Variants in OR1J2 observed in about 807,000 individuals in gnomAD.
OR1J2 encodes olfactory receptor family 1 subfamily J member 2.
For synonymous variants in OR1J2, 142 were observed against 99.7 expected (o/e 1.42, Z -2.52); for missense variants, 304 against 246.1 (o/e 1.24, Z -1.57).
chr9:122,569,171 C>G, the OR1J2 span, among the ~76,000 whole-genome samples: 1 of 152,112 alleles, frequency 6.6e-6, no homozygotes, highest in Non-Finnish European at 1.5e-5. Context: ...AAGGTTCATC[C>G]TCCCTAGCTC....
At chr9:122,490,932 G>A in the OR1J2 span, among the ~76,000 whole-genome samples, 3 of 152,186 alleles carry the variant, frequency 2.0e-5, no homozygotes, top group Non-Finnish European at 4.4e-5. Context: ...GGACATGTTG[G>A]CAGAGCAGGC....
the OR1J2 span, among the ~76,000 whole-genome samples, chr9:122,571,136 C>T: frequency 1.3e-5 from 2 of 152,172 alleles, no homozygotes; most frequent in African/African-American, 4.8e-5. Flanking sequence ...ACTTTCTTGT[C>T]CCATGTTCAG....
At chr9:122,554,074 T>A in the OR1J2 span, 26 of 1,613,312 alleles carry the variant, frequency 1.6e-5, no homozygotes, top group Middle Eastern at 1.2e-3. Context: ...ATTCCCACGC[T>A]AAACCCATTC....
chr9:122,517,032 T>A, the OR1J2 span, among the ~76,000 whole-genome samples: 1 of 152,190 alleles, frequency 6.6e-6, no homozygotes, highest in Admixed American at 6.5e-5. Flanking sequence ...GTTCAGATTG[T>A]ATGCAGTCAT....
the OR1J2 span, among the ~76,000 whole-genome samples, chr9:122,563,181 G>GTTTT: frequency 1.1e-5 from 1 of 90,206 alleles, no homozygotes; most frequent in African/African-American, 4.5e-5. Flanking sequence ...ACTAGCATTT[G>GTTTT]TTATTTTTTT....
At chr9:122,527,186 G>T in the OR1J2 span, 1 of 1,614,000 alleles carries the variant, frequency 6.2e-7, no homozygotes, top group East Asian at 2.2e-5. Context: ...TCCCAGTCAA[G>T]GTGACAAGAT....
chr9:122,484,278 C>G, the OR1J2 span, among the ~76,000 whole-genome samples: 3 of 152,228 alleles, frequency 2.0e-5, no homozygotes, highest in Non-Finnish European at 4.4e-5. Context: ...TCTCCTGCCT[C>G]AGCCTCCCAA....
chr9:122,475,826 G>A, the OR1J2 span: 7 of 152,216 alleles, frequency 4.6e-5, no homozygotes, highest in African/African-American at 1.7e-4. Context: ...GTAAAGAAAC[G>A]CCTTCTTTGG....
At chr9:122,476,941 C>T in the OR1J2 span, 1 of 1,069,040 alleles carries the variant, frequency 9.4e-7, no homozygotes, top group Non-Finnish European at 1.4e-6. Context: ...CTCCTGATCT[C>T]AGGTGATCCG....
upstream of OR1J2, among the ~76,000 whole-genome samples, chr9:122,509,591 C>T (rs1828593418): frequency 6.6e-6 from 1 of 152,092 alleles, no homozygotes; most frequent in Non-Finnish European, 1.5e-5. Flanking sequence ...TCCACAACCA[C>T]CAAGGGGAAG....
chr9:122,549,327 G>A, the OR1J2 span, among the ~76,000 whole-genome samples: 1 of 152,138 alleles, frequency 6.6e-6, no homozygotes, highest in Non-Finnish European at 1.5e-5. Context: ...AGAAGCAGAT[G>A]CTGGCACTAT....
the OR1J2 span, among the ~76,000 whole-genome samples, chr9:122,549,384 C>T: frequency 3.3e-5 from 5 of 152,104 alleles, no homozygotes; most frequent in African/African-American, 1.2e-4. Flanking sequence ...AACCTCTTTT[C>T]CTTATAAATT....
At chr9:122,541,919 A>G in the OR1J2 span, among the ~76,000 whole-genome samples, 15 of 152,350 alleles carry the variant, frequency 9.8e-5, no homozygotes, top group Admixed American at 5.2e-4. Context: ...GTATACACCA[A>G]TGTAAACACC....
At chr9:122,448,213 CAAAT>C in the OR1J2 span, among the ~76,000 whole-genome samples, 1 of 152,122 alleles carries the variant, frequency 6.6e-6, no homozygotes, top group African/African-American at 2.4e-5. Flanking sequence ...ATCTGTGTCA[CAAAT>C]AAATTCAAGG....
the OR1J2 span, among the ~76,000 whole-genome samples, chr9:122,489,297 T>A: frequency 2.0e-5 from 3 of 146,634 alleles, no homozygotes; most frequent in Admixed American, 2.0e-4. Context: ...ATATATATAT[T>A]TACACTCGCC....
the OR1J2 span, chr9:122,567,191 A>T: frequency 5.9e-6 from 1 of 170,402 alleles, no homozygotes; most frequent in Non-Finnish European, 1.2e-5. Context: ...CACATTTTTC[A>T]GCAATATATT....
the OR1J2 span, among the ~76,000 whole-genome samples, chr9:122,547,828 T>A: frequency 6.6e-6 from 1 of 152,208 alleles, no homozygotes; most frequent in Non-Finnish European, 1.5e-5. Flanking sequence ...AATTGCTGGA[T>A]CAAATGATAG....
the OR1J2 span, among the ~76,000 whole-genome samples, chr9:122,565,122 C>T: frequency 6.6e-6 from 1 of 152,164 alleles, no homozygotes; most frequent in African/African-American, 2.4e-5. Flanking sequence ...TGTCTGGCCC[C>T]TCTTACACCC....
chr9:122,560,635 A>G, the OR1J2 span, among the ~76,000 whole-genome samples: 1 of 152,102 alleles, frequency 6.6e-6, no homozygotes, highest in Non-Finnish European at 1.5e-5. Context: ...TCTTCTCTTT[A>G]AGAATGTTGA....
Sources: allele counts gnomAD v4.1 joint callset (sites outside exome capture counted in the v4.1 genomes callset), GRCh38; gene constraint gnomAD v4.1.1; transcripts MANE v1.5; gene names NCBI Gene and HGNC (gene_info 2026-07-23, HGNC 2026-07-21).